The following RTF1 variants were observed in gnomAD, a reference collection of about 807,000 sequenced individuals.
RTF1 encodes the protein RNA polymerase-associated protein RTF1 homolog.
In RTF1, 10 loss-of-function variants were observed where a neutral mutation model predicts 95.7. The observed-to-expected ratio is 0.10, with a 90% CI of 0.06 to 0.18. RTF1 has a LOEUF of 0.18. Among genes scored for constraint, RTF1 ranks in the 10% least tolerant of loss-of-function variants. The pLI, the probability that RTF1 is intolerant of heterozygous loss-of-function variation, is 1.00. For missense variants in RTF1, 458 were observed against 875.6 expected, an observed-to-expected ratio of 0.52 and a Z score of 6.02; for synonymous variants, 305 against 311.8, an observed-to-expected ratio of 0.98 and a Z score of 0.23.
At chr15:41,449,292 A>G (rs1050948220) in intron 2 of RTF1, among the ~76,000 whole-genome samples, 1 of 135,302 alleles carries the variant, frequency 7.4e-6, no homozygotes, top group Non-Finnish European at 1.5e-5. Context: ...GTGCAGTGGT[A>G]CGAACTCGGC....
At chr15:41,440,969 T>G (rs1465023303) in intron 2 of RTF1, among the ~76,000 whole-genome samples, 1 of 79,700 alleles carries the variant, frequency 1.3e-5, no homozygotes, top group Non-Finnish European at 2.9e-5. Flanking sequence ...TAGTCCCCTC[T>G]TTTTTTTTTT....
chr15:41,421,286 G>T (rs918714887), intron 1 of RTF1, among the ~76,000 whole-genome samples: 1 of 151,932 alleles, frequency 6.6e-6, no homozygotes, highest in South Asian at 2.1e-4. Flanking sequence ...GAGAAACCTC[G>T]TCTCTACTAA....
In RTF1 at chr15:41,483,200, G is replaced by A. The variant is rs1303634378; in HGVS notation, c.*2513G>A. 1 of 152,630 alleles carries A rather than the reference G, an allele frequency of 6.6e-6. No homozygotes were observed. The highest frequency in any genetic ancestry group is 1.5e-5 in the Non-Finnish European group (1 of 68,056). 9.5% of individuals were successfully genotyped at this position (152,630 alleles called of 1,614,324 possible). ...AACCAAGATCTTGGTCAGGCATTAA[G>A]ACACTGGCTTTGTCCTACCAACTAG... On this transcript the variant is annotated 3_prime_UTR_variant, in exon 18 of 18. Transcript: ENST00000389629.
At chr15:41,441,704 C>A (rs1386905609) in intron 2 of RTF1, among the ~76,000 whole-genome samples, 5 of 152,148 alleles carry the variant, frequency 3.3e-5, no homozygotes, top group African/African-American at 1.2e-4. Flanking sequence ...GGAGAAAAAG[C>A]TGACAGCAAG....
intron 4 of RTF1, among the ~76,000 whole-genome samples, chr15:41,462,128 T>C (rs1294250774): frequency 6.6e-6 from 1 of 152,128 alleles, no homozygotes; most frequent in Non-Finnish European, 1.5e-5. Flanking sequence ...AGAGCCATCA[T>C]AGAAAATTGA....
chr15:41,473,014 T>TA (rs1309287869), intron 8 of RTF1, among the ~76,000 whole-genome samples: 5 of 151,784 alleles, frequency 3.3e-5, no homozygotes, highest in Non-Finnish European at 7.4e-5. Context: ...CTTTGGGATT[T>TA]AAAAAAAAAT....
chr15:41,478,935 G>A (rs1442687523), intron 15 of RTF1, 168 bp from the exon 16 acceptor site: 1 of 599,600 alleles, frequency 1.7e-6, no homozygotes, highest in African/African-American at 1.9e-5. Context: ...TTTCAAGCTT[G>A]TAATTGCCTT....
intron 8 of RTF1, among the ~76,000 whole-genome samples, chr15:41,473,298 A>G (rs2050924164): frequency 6.6e-6 from 1 of 151,242 alleles, no homozygotes; most frequent in Non-Finnish European, 1.5e-5. Flanking sequence ...CATGCCAGCT[A>G]ATTTTTTGTA....
chr15:41,460,297 A>G (rs2050841264), intron 4 of RTF1, among the ~76,000 whole-genome samples: 1 of 151,368 alleles, frequency 6.6e-6, no homozygotes, highest in Non-Finnish European at 1.5e-5. Context: ...TAATTTTTGT[A>G]TTTTTAGTAG....
intron 1 of RTF1, among the ~76,000 whole-genome samples, chr15:41,420,468 T>C (rs2050594962): frequency 6.6e-6 from 1 of 152,176 alleles, no homozygotes; most frequent in Non-Finnish European, 1.5e-5. Context: ...TCTGGATCTT[T>C]CCTGCCCCAA....
intron 13 of RTF1, 76 bp from the exon 14 acceptor site, chr15:41,477,382 A>T: frequency 6.2e-7 from 1 of 1,612,354 alleles, no homozygotes; most frequent in Non-Finnish European, 8.5e-7. Flanking sequence ...GACCCCATAG[A>T]TATCTGAGTT....
At chr15:41,422,935 A>G (rs113423265) in intron 1 of RTF1, among the ~76,000 whole-genome samples, 7,779 of 152,070 alleles carry the variant, frequency 0.051, 238 homozygotes, top group East Asian at 0.16. Flanking sequence ...CACCACGTCC[A>G]GCTAATTTTT....
At chr15:41,459,446 C>A (rs2050836352) in intron 4 of RTF1, among the ~76,000 whole-genome samples, 2 of 152,154 alleles carry the variant, frequency 1.3e-5, no homozygotes, top group African/African-American at 4.8e-5. Context: ...TTGATTTCTA[C>A]TGAGCAAAAA....
chr15:41,432,670 G>A (rs1160991379), intron 1 of RTF1, among the ~76,000 whole-genome samples: 1 of 151,840 alleles, frequency 6.6e-6, no homozygotes, highest in Non-Finnish European at 1.5e-5. Flanking sequence ...TGGGCATGGT[G>A]GCTCACACCT....
chr15:41,439,133 G>A (rs981799397), intron 2 of RTF1, among the ~76,000 whole-genome samples: 1 of 150,122 alleles, frequency 6.7e-6, no homozygotes. Flanking sequence ...CCAGGTTCAC[G>A]CCATTCTCCT....
intron 1 of RTF1, 63 bp downstream of exon 1, chr15:41,417,376 C>A: frequency 8.2e-7 from 1 of 1,222,468 alleles, no homozygotes. Context: ...CCGCGGGAGC[C>A]GGAGACGGCC....
intron 1 of RTF1, among the ~76,000 whole-genome samples, chr15:41,420,844 A>T (rs1182479947): frequency 1.3e-5 from 2 of 152,188 alleles, no homozygotes; most frequent in African/African-American, 4.8e-5. Context: ...GACCTACTGA[A>T]TCAGACTCTC....
At chr15:41,458,167 A>G (rs886957958) in intron 4 of RTF1, among the ~76,000 whole-genome samples, 1 of 152,224 alleles carries the variant, frequency 6.6e-6, no homozygotes, top group Non-Finnish European at 1.5e-5. Flanking sequence ...TGGTTATACC[A>G]TATTACAGAG....
At chr15:41,429,861 T>G (rs1466917431) in intron 1 of RTF1, among the ~76,000 whole-genome samples, 1 of 152,034 alleles carries the variant, frequency 6.6e-6, no homozygotes, top group Non-Finnish European at 1.5e-5. Context: ...TTCTTAACAC[T>G]TACCATTAGA....
Sources: gnomAD v4.1 joint callset for allele counts (sites outside exome capture counted in the v4.1 genomes callset) on GRCh38, gnomAD v4.1.1 for gene constraint, MANE v1.5 for transcripts, NCBI Gene and HGNC (gene_info 2026-07-23, HGNC 2026-07-21) for gene names.